RNF150: variants seen among roughly 807,000 people sequenced by gnomAD.
The protein encoded by RNF150 is ring finger protein 150.
RNF150 carries 24 observed loss-of-function variants against 39.3 expected under a neutral mutation model. That is an observed-to-expected ratio of 0.61 (90% confidence interval 0.44 to 0.86). The LOEUF (loss-of-function observed/expected upper bound fraction) is 0.86. Ranked by LOEUF, RNF150 falls within the 40% of genes least tolerant of loss-of-function variation. RNF150 has a pLI of 0.00. For missense variants in RNF150, 502 were observed against 587.8 expected, an observed-to-expected ratio of 0.85 and a Z score of 1.51; for synonymous variants, 255 against 227.3, an observed-to-expected ratio of 1.12 and a Z score of -1.10.
At chr4:141,085,081 G>T (rs1487307009) in intron 1 of RNF150, among the ~76,000 whole-genome samples, 1 of 152,162 alleles carries the variant, frequency 6.6e-6, no homozygotes, top group Non-Finnish European at 1.5e-5. Flanking sequence ...AATTTATAAA[G>T]AAAAAGAGGT....
At chr4:140,921,783 C>A (rs1182061549) in intron 5 of RNF150, among the ~76,000 whole-genome samples, 3 of 152,172 alleles carry the variant, frequency 2.0e-5, no homozygotes, top group African/African-American at 7.2e-5. Context: ...ATCAAGTGGG[C>A]TTCATCCCTG....
At chr4:141,146,810 T>C (rs1727212348) in intron 1 of RNF150, among the ~76,000 whole-genome samples, 1 of 152,166 alleles carries the variant, frequency 6.6e-6, no homozygotes, top group South Asian at 2.1e-4. Context: ...AAGAGAAGTA[T>C]ACAATCTGCT....
chr4:141,058,140 T>C (rs1337016833), intron 1 of RNF150, among the ~76,000 whole-genome samples: 3 of 152,178 alleles, frequency 2.0e-5, no homozygotes, highest in African/African-American at 7.2e-5. Context: ...TGACTAAATA[T>C]CTATTTTATT....
chr4:141,114,747 A>T (rs939818509), intron 1 of RNF150, among the ~76,000 whole-genome samples: 1 of 152,198 alleles, frequency 6.6e-6, no homozygotes. Context: ...ATCCTCAATA[A>T]AATACTAGCA....
At chr4:141,020,963 C>G (rs374298468) in intron 1 of RNF150, among the ~76,000 whole-genome samples, 2 of 152,080 alleles carry the variant, frequency 1.3e-5, no homozygotes, top group East Asian at 3.8e-4. Context: ...TTATTCAGGA[C>G]TACTGCAATA....
Position 141,156,734 on chromosome 4 carries a change from T to TTAA in RNF150, c.-6+56059_-6+56060insTTA, listed in dbSNP as rs1553951686. Among the ~76,000 whole-genome samples, 6 of 96,630 alleles carry TTAA rather than the reference T, an allele frequency of 6.2e-5. No homozygotes were observed. The East Asian group carries it at 1.9e-3, about 30-fold the overall frequency. 63.4% of individuals were successfully genotyped at this position (96,630 alleles called of 152,430 possible). ...TATGGCAAAACCCTGTCTCTACTAC[T>TTAA]AAAAAAAAAAAAAAAAAAAAAAATT... On this transcript the variant is annotated intron_variant, in intron 1 of 7. Transcript: ENST00000420921.
Position 140,999,796 on chromosome 4 carries a change from G to A in RNF150, c.485-31923C>T, listed in dbSNP as rs190103877. ...CTAAAAATACAATAATTAGCCAGGT[G>A]TGGTGGCATATACCTGTAATCCCAG... is the stretch of plus-strand genomic sequence containing the variant. On this transcript the variant is annotated intron_variant, in intron 1 of 6. Coordinates refer to ENST00000515673, the MANE Select transcript of RNF150 (RefSeq NM_020724.2). Among the ~76,000 whole-genome samples, 10 of 151,616 alleles carry A rather than the reference G, an allele frequency of 6.6e-5. No homozygotes were observed. The East Asian group carries it at 1.9e-3, about 30-fold the overall frequency.
chr4:140,954,648 T>C (rs761430321), intron 2 of RNF150, among the ~76,000 whole-genome samples: 1 of 152,178 alleles, frequency 6.6e-6, no homozygotes, highest in Non-Finnish European at 1.5e-5. Flanking sequence ...AACTGTGTTA[T>C]GGAAAATAAA....
chr4:141,134,418 C>T (rs1171951374), upstream of RNF150, among the ~76,000 whole-genome samples: 1 of 152,156 alleles, frequency 6.6e-6, no homozygotes, highest in Non-Finnish European at 1.5e-5. Flanking sequence ...CATTGTGTTT[C>T]CCACCTGATG....
chr4:141,184,734 C>T (rs1201719222), intron 1 of RNF150, among the ~76,000 whole-genome samples: 1 of 152,048 alleles, frequency 6.6e-6, no homozygotes, highest in African/African-American at 2.4e-5. Context: ...CTAGTTAGTT[C>T]TTCCAACACC....
chr4:141,190,411 A>G (rs1728090903), intron 1 of RNF150, among the ~76,000 whole-genome samples: 1 of 152,188 alleles, frequency 6.6e-6, no homozygotes, highest in South Asian at 2.1e-4. Flanking sequence ...CCATGTTTTG[A>G]GATAGTCATG....
intron 1 of RNF150, among the ~76,000 whole-genome samples, chr4:141,173,555 C>A (rs1560768121): frequency 1.3e-5 from 2 of 152,158 alleles, no homozygotes; most frequent in Non-Finnish European, 2.9e-5. Context: ...CTGTCAGGAT[C>A]TTCTGGCTCT....
At chr4:141,138,219 A>C (rs982754583), upstream of RNF150, among the ~76,000 whole-genome samples, 2 of 152,242 alleles carry the variant, frequency 1.3e-5, no homozygotes, top group African/African-American at 4.8e-5. Context: ...TTAATGGTTT[A>C]ATTAAAATTT....
intron 6 of RNF150, among the ~76,000 whole-genome samples, chr4:140,906,253 C>T (rs146816580): frequency 6.6e-6 from 1 of 152,084 alleles, no homozygotes; most frequent in East Asian, 1.9e-4. Flanking sequence ...TTAGAATGGT[C>T]CCCCACATCT....
At chr4:141,115,440 G>A (rs1440751489) in intron 1 of RNF150, among the ~76,000 whole-genome samples, 1 of 152,186 alleles carries the variant, frequency 6.6e-6, no homozygotes, top group African/African-American at 2.4e-5. Flanking sequence ...TACAAGGGAT[G>A]TGAAGGACCT....
chr4:140,901,854 T>TGG (rs1407594052), intron 6 of RNF150, among the ~76,000 whole-genome samples: 1 of 152,136 alleles, frequency 6.6e-6, no homozygotes. Flanking sequence ...GCTTGAAGGA[T>TGG]ACATAGGATT....
intron 4 of RNF150, among the ~76,000 whole-genome samples, chr4:140,932,182 A>T (rs1731672996): frequency 6.6e-6 from 1 of 152,234 alleles, no homozygotes; most frequent in African/African-American, 2.4e-5. Flanking sequence ...GAACTATTTT[A>T]AAAAGATACC....
chr4:140,909,401 T>C (rs1234373704), intron 6 of RNF150, among the ~76,000 whole-genome samples: 1 of 151,780 alleles, frequency 6.6e-6, no homozygotes, highest in African/African-American at 2.4e-5. Flanking sequence ...ATTGTCTTAA[T>C]AGTTTTAAAT....
intron 5 of RNF150, among the ~76,000 whole-genome samples, chr4:140,919,906 T>A (rs1731032351): frequency 6.6e-6 from 1 of 152,120 alleles, no homozygotes; most frequent in Non-Finnish European, 1.5e-5. Context: ...ATCTGATCTT[T>A]GACAAACCTG....
Sources: gnomAD v4.1 joint callset for allele counts (sites outside exome capture counted in the v4.1 genomes callset) on GRCh38, gnomAD v4.1.1 for gene constraint, MANE v1.5 for transcripts, NCBI Gene and HGNC (gene_info 2026-07-23, HGNC 2026-07-21) for gene names.